Variants in PCDH9 observed in about 807,000 individuals in gnomAD.
PCDH9 encodes the protein protocadherin-9.
PCDH9 carries 24 observed loss-of-function variants against 70.6 expected under a neutral mutation model. The observed-to-expected ratio is 0.34, with a 90% CI of 0.25 to 0.48. The LOEUF is 0.48. Ranked by LOEUF, PCDH9 falls within the 20% of genes least tolerant of loss-of-function variation. The pLI is 0.99. For missense variants in PCDH9, 1,281 were observed against 1,503.6 expected (o/e 0.85, Z 2.45); for synonymous variants, 562 against 558.5 (o/e 1.01, Z -0.09).
intron 4 of PCDH9, among the ~76,000 whole-genome samples, chr13:66,468,302 C>T (rs1465568813): frequency 6.6e-6 from 1 of 152,044 alleles, no homozygotes; most frequent in Non-Finnish European, 1.5e-5. Flanking sequence ...AATTGAAAAA[C>T]AGTCTATTCT....
intron 3 of PCDH9, among the ~76,000 whole-genome samples, chr13:66,772,591 A>C (rs2079825695): frequency 6.6e-6 from 1 of 152,136 alleles, no homozygotes; most frequent in East Asian, 1.9e-4. Context: ...TATACCACAT[A>C]AACTCATACA....
At chr13:67,170,760 A>G (rs1200080799) in intron 2 of PCDH9, among the ~76,000 whole-genome samples, 1 of 152,122 alleles carries the variant, frequency 6.6e-6, no homozygotes, top group Non-Finnish European at 1.5e-5. Flanking sequence ...CCCTGCCGCT[A>G]CTAAAAATAC....
Position 66,871,204 on chromosome 13 carries a change from C to T in PCDH9, c.3138+32300G>A, listed in dbSNP as rs562539161. On this transcript the variant is annotated intron_variant, in intron 3 of 4. Coordinates refer to ENST00000377865, the MANE Select transcript of PCDH9 (RefSeq NM_203487.3). The stretch of plus-strand genomic sequence containing the variant: ...ATTGAACAATGAGATCACATGGACA[C>T]ATGAAGGGGAACATCACACTCTGGG... Among the ~76,000 whole-genome samples, 19 of 139,368 alleles carry T rather than the reference C, an allele frequency of 1.4e-4. No homozygotes were observed. The South Asian group carries it at 4.3e-3, about 32-fold the overall frequency. The allele number at this position is 139,368 out of a possible 152,430, so 91.4% of individuals were successfully genotyped here.
intron 2 of PCDH9, chr13:67,205,551 T>C (rs950882934): frequency 1.3e-5 from 2 of 152,208 alleles, no homozygotes; most frequent in Admixed American, 1.3e-4. Flanking sequence ...AAACTCCTTT[T>C]GAACACATAA....
intron 2 of PCDH9, among the ~76,000 whole-genome samples, chr13:66,920,202 G>T (rs1471657762): frequency 2.6e-5 from 4 of 151,074 alleles, no homozygotes; most frequent in Non-Finnish European, 5.9e-5. Flanking sequence ...TTTTGCTGGG[G>T]AATGATAGGA....
chr13:67,170,446 A>G (rs1002337769), intron 2 of PCDH9, among the ~76,000 whole-genome samples: 1 of 152,200 alleles, frequency 6.6e-6, no homozygotes, highest in African/African-American at 2.4e-5. Flanking sequence ...TCTATATCAG[A>G]TAAGGAGAAT....
At chr13:67,089,525 G>A (rs944659432) in intron 2 of PCDH9, among the ~76,000 whole-genome samples, 23 of 151,924 alleles carry the variant, frequency 1.5e-4, no homozygotes, top group Non-Finnish European at 2.7e-4. Flanking sequence ...ATGAATACAA[G>A]AAAGATAAAC....
chr13:66,553,473 T>G (rs1232738110), intron 4 of PCDH9, among the ~76,000 whole-genome samples: 1 of 152,216 alleles, frequency 6.6e-6, no homozygotes, highest in Non-Finnish European at 1.5e-5. Flanking sequence ...CGAGTTGTTT[T>G]GAAAAGTGGC....
At chr13:66,697,737 A>T (rs999726577) in intron 3 of PCDH9, among the ~76,000 whole-genome samples, 1 of 152,178 alleles carries the variant, frequency 6.6e-6, no homozygotes, top group Non-Finnish European at 1.5e-5. Context: ...AAGACTAAAC[A>T]TGGAATGATC....
At chr13:66,537,102 T>C (rs1481849725) in intron 4 of PCDH9, among the ~76,000 whole-genome samples, 1 of 152,118 alleles carries the variant, frequency 6.6e-6, no homozygotes, top group Non-Finnish European at 1.5e-5. Flanking sequence ...ACTGAATGCA[T>C]AGCTATCAAG....
intron 2 of PCDH9, chr13:67,218,416 A>G (rs1593640120): frequency 6.6e-6 from 1 of 152,272 alleles, no homozygotes; most frequent in African/African-American, 2.4e-5. Context: ...ACAATTCTTC[A>G]TACCGTTTAC....
intron 4 of PCDH9, among the ~76,000 whole-genome samples, chr13:66,624,286 T>C (rs926788949): frequency 5.3e-5 from 8 of 152,244 alleles, no homozygotes; most frequent in Non-Finnish European, 1.2e-4. Context: ...AATGGTTTCA[T>C]TGAATTTTAC....
intron 4 of PCDH9, among the ~76,000 whole-genome samples, chr13:66,344,999 A>G (rs1348202836): frequency 6.6e-6 from 1 of 152,176 alleles, no homozygotes; most frequent in African/African-American, 2.4e-5. Flanking sequence ...GGGCTTTCTT[A>G]TCTTCCACTA....
At chr13:66,481,301 TAA>T (rs35064904) in intron 4 of PCDH9, among the ~76,000 whole-genome samples, 10 of 138,730 alleles carry the variant, frequency 7.2e-5, no homozygotes, top group Admixed American at 1.5e-4. Context: ...CTTAAAGTAT[TAA>T]AAAAAAAAAA....
At chr13:66,459,646 T>C (rs1300072819) in intron 4 of PCDH9, among the ~76,000 whole-genome samples, 1 of 151,928 alleles carries the variant, frequency 6.6e-6, no homozygotes, top group Non-Finnish European at 1.5e-5. Flanking sequence ...AGTTTGAAGA[T>C]TGCCACTTCA....
chr13:66,661,923 T>C (rs2078014460), intron 3 of PCDH9, among the ~76,000 whole-genome samples: 1 of 152,286 alleles, frequency 6.6e-6, no homozygotes, highest in South Asian at 2.1e-4. Flanking sequence ...ATCACTCAAG[T>C]AAACCAATAA....
chr13:66,433,971 G>A (rs1957820969), intron 4 of PCDH9, among the ~76,000 whole-genome samples: 1 of 151,776 alleles, frequency 6.6e-6, no homozygotes, highest in Admixed American at 6.6e-5. Context: ...AACAATCAGA[G>A]TGATATTATT....
chr13:67,037,288 G>A (rs1414656985), intron 2 of PCDH9, among the ~76,000 whole-genome samples: 2 of 152,086 alleles, frequency 1.3e-5, no homozygotes, highest in South Asian at 2.1e-4. Flanking sequence ...TATGTTACTC[G>A]CTCGACTTGC....
chr13:66,608,465 T>TAGTTTGGTTTTATATTGGTATAAA, intron 4 of PCDH9, among the ~76,000 whole-genome samples: 1 of 152,246 alleles, frequency 6.6e-6, no homozygotes. Flanking sequence ...GAAAGTTTCT[T>TAGTTTGGTTTTATATTGGTATAAA]AGTTTGGTTT....
Sources: allele counts gnomAD v4.1 joint callset (sites outside exome capture counted in the v4.1 genomes callset), GRCh38; gene constraint gnomAD v4.1.1; transcripts MANE v1.5; gene names NCBI Gene and HGNC (gene_info 2026-07-23, HGNC 2026-07-21).